Variants in GPATCH2 observed in about 807,000 individuals in gnomAD.
GPATCH2 encodes G-patch domain containing 2.
A neutral mutation model predicts 58.0 loss-of-function variants in GPATCH2; 51 were observed. The observed-to-expected ratio is 0.88, with a 90% CI of 0.70 to 1.11. The LOEUF (loss-of-function observed/expected upper bound fraction) is 1.11, where lower values mean the gene tolerates loss of function less well. GPATCH2 is among the 50% of genes most tolerant of loss of function. GPATCH2 has a pLI of 0.00. For missense variants in GPATCH2, 625 were observed against 652.2 expected, an observed-to-expected ratio of 0.96 and a Z score of 0.45; for synonymous variants, 222 against 218.5, an observed-to-expected ratio of 1.02 and a Z score of -0.14.
chr1:217,515,598 C>T (rs915749437), intron 5 of GPATCH2, among the ~76,000 whole-genome samples: 4 of 151,888 alleles, frequency 2.6e-5, no homozygotes, highest in Non-Finnish European at 4.4e-5. Flanking sequence ...ATCCCAGCTA[C>T]TCGGGAGGCT....
chr1:217,543,269 G>GTT (rs397860651), intron 5 of GPATCH2, among the ~76,000 whole-genome samples: 3,363 of 105,646 alleles, frequency 0.032, 118 homozygotes, highest in East Asian at 0.055. Context: ...TGATGCGAAC[G>GTT]TTTTTTTTTT....
At position 217,610,387 on chromosome 1, in the gene GPATCH2, T is replaced by C; in HGVS notation, c.1032A>G (p.Arg344=). 1 of 1,598,592 alleles carries C rather than the reference T, an allele frequency of 6.3e-7. No homozygotes were observed. Among genetic ancestry groups the C allele is most frequent in the Non-Finnish European group, 8.6e-7 (1 of 1,167,296 alleles). ...SHPSRRGFQA[R]LSRLHGMSSK... is the part of the protein sequence containing the mutation. ...AAGACATTCCATGAAGGCGACTGAG[T>C]CTAGCTTGGAAACCTGTAAAATCAA... is the stretch of plus-strand genomic sequence containing the variant. Residue 344 remains arginine (R), a synonymous_variant, in exon 5 of 10, where the codon AGA becomes AGG. Transcript: ENST00000366935.
intron 5 of GPATCH2, among the ~76,000 whole-genome samples, chr1:217,545,169 T>G (rs1376548439): frequency 2.0e-5 from 3 of 152,246 alleles, no homozygotes; most frequent in African/African-American, 7.2e-5. Context: ...AATATATGCT[T>G]GTCCCCACTT....
At chr1:217,572,862 GAA>G in intron 5 of GPATCH2, among the ~76,000 whole-genome samples, 1 of 152,206 alleles carries the variant, frequency 6.6e-6, no homozygotes, top group Admixed American at 6.5e-5. Flanking sequence ...TTTTCTGGGT[GAA>G]GGGAGGGTTA....
chr1:217,522,831 T>TACACAC (rs140850986), intron 5 of GPATCH2, among the ~76,000 whole-genome samples: 24,462 of 149,244 alleles, frequency 0.16, 2,666 homozygotes, highest in East Asian at 0.47. Flanking sequence ...ACTTGTTCAA[T>TACACAC]ACACACACAC....
intron 5 of GPATCH2, among the ~76,000 whole-genome samples, chr1:217,556,699 T>C (rs1276481445): frequency 6.6e-6 from 1 of 152,186 alleles, no homozygotes; most frequent in African/African-American, 2.4e-5. Context: ...AGCACAAAAG[T>C]GCAGAAGTTT....
intron 1 of GPATCH2, among the ~76,000 whole-genome samples, chr1:217,621,538 C>T (rs1281648984): frequency 6.6e-6 from 1 of 152,138 alleles, no homozygotes; most frequent in Non-Finnish European, 1.5e-5. Context: ...CATTGGGTCT[C>T]CCAAAACTAC....
chr1:217,585,393 C>A (rs1489810305), intron 5 of GPATCH2, among the ~76,000 whole-genome samples: 1 of 152,126 alleles, frequency 6.6e-6, no homozygotes, highest in Non-Finnish European at 1.5e-5. Flanking sequence ...GAGGCCGAGG[C>A]AGGCAAATCA....
intron 5 of GPATCH2, among the ~76,000 whole-genome samples, chr1:217,552,009 TAATC>T (rs963765448): frequency 4.3e-4 from 66 of 152,296 alleles, no homozygotes; most frequent in African/African-American, 1.6e-3. Context: ...TTTAAATTCT[TAATC>T]AACCTATTTT....
At chr1:217,499,448 G>A (rs1662188844) in intron 6 of GPATCH2, among the ~76,000 whole-genome samples, 1 of 152,106 alleles carries the variant, frequency 6.6e-6, no homozygotes, top group Non-Finnish European at 1.5e-5. Flanking sequence ...ACATCTCCTG[G>A]GACGCTCCAA....
In GPATCH2 at chr1:217,519,300, A is replaced by C. The variant is rs534693477; in HGVS notation, c.1099-4411T>G. Reference sequence around the variant, plus strand: ...TTATAATATTACAGAATGGTCACAAATCACAAAAAGCACAATCTGTTTGGG... The same window carrying C: ...TTATAATATTACAGAATGGTCACAACTCACAAAAAGCACAATCTGTTTGGG... On this transcript the variant is annotated intron_variant, in intron 5 of 9. Coordinates refer to ENST00000366935, the MANE Select transcript of GPATCH2 (RefSeq NM_018040.5). Among the ~76,000 whole-genome samples the C allele has an allele frequency of 1.9e-3, 295 of 152,342 alleles. 1 individual carries two copies. Among genetic ancestry groups the C allele is most frequent in the African/African-American group, 6.9e-3 (288 of 41,584 alleles).
rs186037740 is a variant in GPATCH2, at chr1:217,497,918, A to G, written c.1206+438T>C. Among the ~76,000 whole-genome samples the G allele has an allele frequency of 1.9e-3, 283 of 152,354 alleles. 1 individual carries two copies. Among genetic ancestry groups the G allele is most frequent in the Middle Eastern group, 3.4e-3 (1 of 294 alleles). On this transcript the variant is annotated intron_variant, in intron 7 of 9. Transcript: ENST00000366935. ...GTATACCAGTAAGAAATTTAAAAAA[A>G]TTCATCTAGAAATATAATGTAAAAG...
intron 2 of GPATCH2, among the ~76,000 whole-genome samples, chr1:217,618,487 C>A (rs931654219): frequency 6.6e-6 from 1 of 152,084 alleles, no homozygotes; most frequent in Non-Finnish European, 1.5e-5. Context: ...GGAGTAAAGG[C>A]ATGAGCCGCC....
At chr1:217,538,108 A>C (rs1232893798) in intron 5 of GPATCH2, among the ~76,000 whole-genome samples, 1 of 152,216 alleles carries the variant, frequency 6.6e-6, no homozygotes, top group African/African-American at 2.4e-5. Context: ...AAAAATCTAC[A>C]TCCATTTAAA....
At chr1:217,516,240 A>T (rs934522674) in intron 5 of GPATCH2, among the ~76,000 whole-genome samples, 2 of 149,282 alleles carry the variant, frequency 1.3e-5, no homozygotes, top group South Asian at 4.2e-4. Flanking sequence ...TTAAAAAAAA[A>T]CCCTCTGTAA....
intron 5 of GPATCH2, among the ~76,000 whole-genome samples, chr1:217,589,277 C>A (rs755274822): frequency 6.6e-6 from 1 of 151,232 alleles, no homozygotes; most frequent in Non-Finnish European, 1.5e-5. Flanking sequence ...CTGCTTCATG[C>A]CATCACCTCT....
chr1:217,588,416 G>A (rs572609333), intron 5 of GPATCH2, among the ~76,000 whole-genome samples: 2 of 152,260 alleles, frequency 1.3e-5, no homozygotes, highest in African/African-American at 4.8e-5. Flanking sequence ...CTACACAGCT[G>A]TGTTTTTAAG....
At chr1:217,610,505 G>T in intron 4 of GPATCH2, 105 bp from the exon 5 acceptor site, 1 of 709,804 alleles carries the variant, frequency 1.4e-6, no homozygotes, top group East Asian at 2.5e-5. Context: ...TGGTGGTGGC[G>T]GTGAATGCCA....
At chr1:217,514,023 C>T (rs918045157) in intron 6 of GPATCH2, among the ~76,000 whole-genome samples, 14 of 151,844 alleles carry the variant, frequency 9.2e-5, no homozygotes, top group African/African-American at 3.4e-4. Context: ...CCGGGTTTCA[C>T]GATATGTTGG....
Sources: gnomAD v4.1 joint callset for allele counts (sites outside exome capture counted in the v4.1 genomes callset) on GRCh38, gnomAD v4.1.1 for gene constraint, MANE v1.5 for transcripts, NCBI Gene and HGNC (gene_info 2026-07-23, HGNC 2026-07-21) for gene names.